The following CHCHD3 variants were observed in gnomAD, a reference collection of about 807,000 sequenced individuals.
CHCHD3 encodes coiled-coil-helix-coiled-coil-helix domain containing 3.
Under a neutral mutation model 38.2 loss-of-function variants are expected in CHCHD3, and 20 were observed. The observed-to-expected ratio is 0.52, with a 90% confidence interval of 0.37 to 0.76. The LOEUF (loss-of-function observed/expected upper bound fraction) is 0.76. Among genes scored for constraint, CHCHD3 ranks in the 30% least tolerant of loss-of-function variants. The probability of loss-of-function intolerance (pLI) is 0.00; values close to 1 mark genes in which losing one functional copy is unlikely to be tolerated. For missense variants in CHCHD3, 245 were observed against 279.2 expected (o/e 0.88, Z 0.87); for synonymous variants, 82 against 100.0 (o/e 0.82, Z 1.07).
chr7:132,931,379 T>C (rs1474279507), intron 4 of CHCHD3, among the ~76,000 whole-genome samples: 1 of 152,236 alleles, frequency 6.6e-6, no homozygotes, highest in African/African-American at 2.4e-5. Context: ...CCCAAACTTA[T>C]CTTTCTACAA....
intron 5 of CHCHD3, among the ~76,000 whole-genome samples, chr7:132,851,205 T>C (rs1808211777): frequency 6.6e-6 from 1 of 152,222 alleles, no homozygotes; most frequent in African/African-American, 2.4e-5. Flanking sequence ...CTTTCTTTTA[T>C]AGCCTTCTAT....
At position 133,032,911 on chromosome 7, in the gene CHCHD3, A is replaced by G. The variant is rs558023343; in HGVS notation, c.170-8284T>C. ...GATTATATTTTGTTCACTGGAGATA[A>G]AACTATAATACAGTGTTAACTCTCC... On this transcript the variant is annotated intron_variant, in intron 2 of 7. Coordinates refer to ENST00000262570, the MANE Select transcript of CHCHD3 (RefSeq NM_017812.4). Among the ~76,000 whole-genome samples, 25 of 152,274 alleles carry G rather than the reference A, an allele frequency of 1.6e-4. No individual in the cohort carries two copies. The East Asian group carries it at 4.8e-3, about 29-fold the overall frequency.
intron 2 of CHCHD3, among the ~76,000 whole-genome samples, chr7:133,042,249 A>G (rs1229854387): frequency 1.3e-5 from 2 of 152,208 alleles, no homozygotes; most frequent in African/African-American, 4.8e-5. Flanking sequence ...AGCAATATTT[A>G]TACTTTTACA....
At chr7:132,898,553 C>T (rs1809570361) in intron 4 of CHCHD3, among the ~76,000 whole-genome samples, 1 of 152,240 alleles carries the variant, frequency 6.6e-6, no homozygotes, top group African/African-American at 2.4e-5. Context: ...CCCAGTGGAT[C>T]CCGCACCCAG....
intron 5 of CHCHD3, chr7:132,847,501 C>G (rs1014196278): frequency 2.0e-5 from 3 of 152,196 alleles, no homozygotes; most frequent in Non-Finnish European, 4.4e-5. Flanking sequence ...AACAAAGTTT[C>G]TAGACCGTAC....
At chr7:132,949,535 C>T (rs539570666) in intron 4 of CHCHD3, among the ~76,000 whole-genome samples, 1 of 152,062 alleles carries the variant, frequency 6.6e-6, no homozygotes, top group Non-Finnish European at 1.5e-5. Context: ...CAAAAATGTA[C>T]GAGATGTACT....
intron 4 of CHCHD3, among the ~76,000 whole-genome samples, chr7:132,935,336 T>C (rs1810611092): frequency 1.3e-5 from 2 of 152,316 alleles, no homozygotes; most frequent in South Asian, 4.2e-4. Flanking sequence ...GGTTGCTACC[T>C]ACTATTGGAC....
In CHCHD3 at chr7:132,873,904, G is replaced by A. The variant is rs186960188; in HGVS notation, c.453+11758C>T. 6.4e-4 allele frequency among the ~76,000 whole-genome samples: 97 copies of A among 152,226 alleles called. No homozygotes were observed. In the East Asian group the frequency reaches 0.018, roughly 28 times the overall value. On this transcript the variant is annotated intron_variant, in intron 5 of 7. Coordinates refer to ENST00000262570, the MANE Select transcript of CHCHD3 (RefSeq NM_017812.4). Reference sequence around the variant, plus strand: ...CTGATGTTTAATTTTACATAAATAAGGTATGTTGTTGCATTAATAGCAGAA... The same window carrying A: ...CTGATGTTTAATTTTACATAAATAAAGTATGTTGTTGCATTAATAGCAGAA...
At chr7:132,872,408 G>C (rs1405611542) in intron 5 of CHCHD3, among the ~76,000 whole-genome samples, 1 of 152,176 alleles carries the variant, frequency 6.6e-6, no homozygotes, top group African/African-American at 2.4e-5. Context: ...ATCTCAGAAA[G>C]TGTCATCACC....
At chr7:133,039,389 A>G (rs1387754576) in intron 2 of CHCHD3, among the ~76,000 whole-genome samples, 1 of 152,222 alleles carries the variant, frequency 6.6e-6, no homozygotes, top group Admixed American at 6.5e-5. Flanking sequence ...TAGTAGCAAG[A>G]GGAATCCTCA....
intron 4 of CHCHD3, among the ~76,000 whole-genome samples, chr7:132,959,144 G>A (rs1247400774): frequency 1.3e-5 from 2 of 152,202 alleles, no homozygotes; most frequent in African/African-American, 4.8e-5. Context: ...GCATAACCTG[G>A]CAGTAGCCTC....
chr7:133,063,843 C>T (rs994100050), intron 2 of CHCHD3, among the ~76,000 whole-genome samples: 1 of 152,106 alleles, frequency 6.6e-6, no homozygotes, highest in Non-Finnish European at 1.5e-5. Context: ...ACCTACCCAC[C>T]CATGAGACCC....
At chr7:132,821,745 A>ATTT (rs1194009718) in intron 6 of CHCHD3, among the ~76,000 whole-genome samples, 6 of 122,504 alleles carry the variant, frequency 4.9e-5, no homozygotes, top group African/African-American at 2.0e-4. Context: ...TAGCACTCAA[A>ATTT]TCTTTTTTTT....
intron 4 of CHCHD3, among the ~76,000 whole-genome samples, chr7:132,971,157 A>C (rs1315962499): frequency 1.3e-5 from 2 of 152,204 alleles, no homozygotes; most frequent in Non-Finnish European, 2.9e-5. Flanking sequence ...TACACATATC[A>C]AGTTGCATTA....
At chr7:132,834,080 A>C (rs992008570) in intron 6 of CHCHD3, among the ~76,000 whole-genome samples, 1 of 152,182 alleles carries the variant, frequency 6.6e-6, no homozygotes, top group Non-Finnish European at 1.5e-5. Context: ...TACAGGTGCT[A>C]AGCTGGTCAT....
intron 2 of CHCHD3, among the ~76,000 whole-genome samples, chr7:133,038,906 T>C (rs1025298429): frequency 6.6e-6 from 1 of 152,242 alleles, no homozygotes; most frequent in Non-Finnish European, 1.5e-5. Context: ...TAACTTCAAC[T>C]GTAAATGTAA....
chr7:132,801,721 AAGGTT>A (rs1190823494), intron 6 of CHCHD3, among the ~76,000 whole-genome samples: 3 of 152,232 alleles, frequency 2.0e-5, no homozygotes, highest in Non-Finnish European at 1.5e-5. Flanking sequence ...TTTAAAAGAA[AAGGTT>A]AGCTTTGGCT....
At chr7:132,922,667 G>GA (rs1810289356) in intron 4 of CHCHD3, among the ~76,000 whole-genome samples, 1 of 151,988 alleles carries the variant, frequency 6.6e-6, no homozygotes, top group Non-Finnish European at 1.5e-5. Flanking sequence ...ACTTGGGCAA[G>GA]AAACTATTCT....
At chr7:133,073,086 AT>A (rs1814874512) in intron 1 of CHCHD3, among the ~76,000 whole-genome samples, 1 of 152,110 alleles carries the variant, frequency 6.6e-6, no homozygotes, top group Non-Finnish European at 1.5e-5. Flanking sequence ...AACTTTTGAT[AT>A]TTATGTAAAT....
Sources: gnomAD v4.1 joint callset for allele counts (sites outside exome capture counted in the v4.1 genomes callset) on GRCh38, gnomAD v4.1.1 for gene constraint, MANE v1.5 for transcripts, NCBI Gene and HGNC (gene_info 2026-07-23, HGNC 2026-07-21) for gene names.